The following CNTRL variants were observed in gnomAD, a reference collection of about 807,000 sequenced individuals.
CNTRL encodes the protein 110 kDa centrosomal protein.
Under a neutral mutation model 303.7 loss-of-function variants are expected in CNTRL, and 233 were observed. The observed-to-expected ratio is 0.77, with a 90% confidence interval of 0.69 to 0.86. CNTRL has a LOEUF of 0.86. Ranked by LOEUF, CNTRL falls within the 40% of genes least tolerant of loss-of-function variation. CNTRL has a pLI of 0.00. For synonymous variants in CNTRL, 900 were observed against 922.2 expected, an observed-to-expected ratio of 0.98 and a Z score of 0.44; for missense variants, 2,524 against 2,650.6, an observed-to-expected ratio of 0.95 and a Z score of 1.05.
intron 2 of CNTRL, among the ~76,000 whole-genome samples, chr9:121,083,069 C>T (rs2048207273): frequency 2.0e-5 from 3 of 151,682 alleles, no homozygotes; most frequent in Admixed American, 2.0e-4. Flanking sequence ...ATGGAGCTTG[C>T]AGGACTGGAA....
At position 121,162,896 on chromosome 9, in the gene CNTRL, T is replaced by C. The variant is rs2052917448; in HGVS notation, c.5423+625T>C. ...GTCTAGAAATAAACTGACATATATG[T>C]GAACAACTGATTTTGATAAAGATAA... On this transcript the variant is annotated intron_variant, in intron 34 of 43. Coordinates refer to ENST00000373855, the MANE Select transcript of CNTRL (RefSeq NM_007018.6). Among the ~76,000 whole-genome samples the C allele has an allele frequency of 2.6e-5, 4 of 152,238 alleles. No homozygotes were observed. The South Asian group carries it at 8.3e-4, about 32-fold the overall frequency.
At chr9:121,127,062 C>T (rs907665642) in intron 14 of CNTRL, among the ~76,000 whole-genome samples, 5 of 152,120 alleles carry the variant, frequency 3.3e-5, no homozygotes, top group South Asian at 2.1e-4. Context: ...TCAGGTGATC[C>T]GCCTGCCTTG....
intron 2 of CNTRL, among the ~76,000 whole-genome samples, chr9:121,085,401 C>T (rs1343345133): frequency 6.6e-6 from 1 of 152,098 alleles, no homozygotes; most frequent in Non-Finnish European, 1.5e-5. Flanking sequence ...ATGTATGATA[C>T]ATTGCAATAA....
chr9:121,139,001 C>G (rs1483429736), intron 16 of CNTRL, among the ~76,000 whole-genome samples: 3 of 152,170 alleles, frequency 2.0e-5, no homozygotes, highest in Admixed American at 6.5e-5. Context: ...GTCACCAGAC[C>G]AAACTAAAAG....
chr9:121,124,132 A>G, intron 13 of CNTRL, 48 bp downstream of exon 13: 1 of 1,479,978 alleles, frequency 6.8e-7, no homozygotes. Context: ...ATTGCTGGTA[A>G]AAGAAACATT....
In CNTRL at chr9:121,175,162, T is replaced by C. The variant is rs751510853; in HGVS notation, c.6892T>C (p.Ser2298Pro). 4 of 1,614,166 alleles carry C rather than the reference T, an allele frequency of 2.5e-6. No homozygotes were observed. The South Asian group carries it at 4.4e-5, about 18-fold the overall frequency. ...VTSTSADSAS[S>P]PSLSQLESSL... ...CAGCACCTCTGCAGATTCAGCGTCA[T>C]CACCCAGTCTGTCTCAGCTGGAGTC... Residue 2298 changes from serine (S) to proline (P), a missense_variant, in exon 43 of 44, where the codon TCA becomes CCA. Physicochemically the swap from Ser to Pro is moderately conservative, Grantham distance 74. Coordinates refer to ENST00000373855, the MANE Select transcript of CNTRL (RefSeq NM_007018.6).
In CNTRL at chr9:121,177,359, T is replaced by C; in HGVS notation, c.*173T>C. ...TAATGCCAATGTTTTTATAAATCAC[T>C]TGTACATAGTACATATGGGAATAGT... On this transcript the variant is annotated 3_prime_UTR_variant, in exon 44 of 44. Transcript: ENST00000373855. 2 of 589,332 alleles carry C rather than the reference T, an allele frequency of 3.4e-6. No homozygotes were observed. Among genetic ancestry groups the C allele is most frequent in the South Asian group, 2.2e-5 (1 of 44,638 alleles). 36.5% of individuals were successfully genotyped at this position (589,332 alleles called of 1,614,324 possible). A position where few individuals can be genotyped will look rare whatever the true frequency, so the allele number is the denominator to read the frequency against.
intron 14 of CNTRL, among the ~76,000 whole-genome samples, chr9:121,130,000 G>A (rs1361903465): frequency 6.6e-6 from 1 of 152,190 alleles, no homozygotes; most frequent in African/African-American, 2.4e-5. Context: ...GATCGTGGTG[G>A]ATAAGCTTTT....
intron 1 of CNTRL, among the ~76,000 whole-genome samples, chr9:121,077,779 T>A (rs1178831261): frequency 8.2e-6 from 1 of 122,638 alleles, no homozygotes; most frequent in East Asian, 2.7e-4. Flanking sequence ...ACCCCCCATC[T>A]CTACAAAAAA....
chr9:121,158,532 TCTGA>T (rs2052697718), intron 30 of CNTRL: 1 of 254,418 alleles, frequency 3.9e-6, no homozygotes, highest in Middle Eastern at 1.3e-3. Flanking sequence ...TTTAAAAATC[TCTGA>T]CTAACTTCCA....
chr9:121,083,960 A>G (rs142233675), intron 2 of CNTRL, among the ~76,000 whole-genome samples: 1 of 152,360 alleles, frequency 6.6e-6, no homozygotes, highest in African/African-American at 2.4e-5. Flanking sequence ...TATCACATAT[A>G]TGAAGATGTT....
chr9:121,147,359 G>A (rs1406553951), intron 23 of CNTRL, among the ~76,000 whole-genome samples: 1 of 151,736 alleles, frequency 6.6e-6, no homozygotes, highest in African/African-American at 2.4e-5. Flanking sequence ...TAATTATGTA[G>A]GCCATAATTA....
intron 12 of CNTRL, among the ~76,000 whole-genome samples, chr9:121,123,250 T>C (rs555465676): frequency 1.3e-5 from 2 of 152,254 alleles, no homozygotes; most frequent in East Asian, 3.9e-4. Flanking sequence ...TATAGATATA[T>C]GCCATAACCA....
At chr9:121,153,801 C>T (rs1208766792) in intron 26 of CNTRL, among the ~76,000 whole-genome samples, 1 of 152,214 alleles carries the variant, frequency 6.6e-6, no homozygotes, top group Admixed American at 6.5e-5. Context: ...CTGCAGAGGA[C>T]ACAAGTAAGT....
At position 121,165,066 on chromosome 9, in the gene CNTRL, T is replaced by A. The variant is rs771648728; in HGVS notation, c.5547T>A (p.His1849Gln). Residue 1849 changes from histidine (H) to glutamine (Q), a missense_variant, in exon 35 of 44, where the codon CAT becomes CAA. Coordinates refer to ENST00000373855, the MANE Select transcript of CNTRL (RefSeq NM_007018.6). The stretch of plus-strand genomic sequence containing the variant: ...TAAACAGAGACAAGTTGTCACTGCA[T>A]AACGACATTTCAGCAATGCAACAGC... ...DQLNRDKLSL[H>Q]NDISAMQQQL... 9 of 1,599,426 alleles carry A rather than the reference T, an allele frequency of 5.6e-6. No homozygotes were observed. The highest frequency in any genetic ancestry group is 8.5e-7 in the Non-Finnish European group (1 of 1,174,482).
intron 36 of CNTRL, 110 bp downstream of exon 36, chr9:121,166,290 C>T (rs1588324117): frequency 2.9e-6 from 2 of 682,808 alleles, no homozygotes; most frequent in Non-Finnish European, 4.9e-6. Context: ...CAGCAGATAC[C>T]GTAGGGCCAT....
chr9:121,171,196 T>C, intron 39 of CNTRL: 2 of 636,772 alleles, frequency 3.1e-6, no homozygotes, highest in Non-Finnish European at 5.8e-6. Context: ...AGTAGCTTAT[T>C]ATCAAAGGTA....
At chr9:121,121,048 C>T (rs546758791) in intron 12 of CNTRL, among the ~76,000 whole-genome samples, 152 of 152,228 alleles carry the variant, frequency 1.0e-3, no homozygotes, top group African/African-American at 3.5e-3. Flanking sequence ...GAGAAATAAT[C>T]AAGAGTGAGA....
chr9:121,080,957 G>A (rs1381230018), intron 2 of CNTRL, among the ~76,000 whole-genome samples: 1 of 152,198 alleles, frequency 6.6e-6, no homozygotes, highest in Admixed American at 6.5e-5. Context: ...AAAATTATCC[G>A]TTTTTATGCT....
Sources: allele counts gnomAD v4.1 joint callset (sites outside exome capture counted in the v4.1 genomes callset), GRCh38; gene constraint gnomAD v4.1.1; transcripts MANE v1.5; gene names NCBI Gene and HGNC (gene_info 2026-07-23, HGNC 2026-07-21).